The following XRN1 variants were observed in gnomAD, a reference collection of about 807,000 sequenced individuals.
XRN1 encodes 5'-3' exoribonuclease 1, also known as strand-exchange protein 1 homolog.
A neutral mutation model predicts 222.3 loss-of-function variants in XRN1; 67 were observed. The ratio of observed to expected loss-of-function variants is 0.30; its 90% CI spans 0.25 to 0.37. XRN1 has a LOEUF of 0.37. XRN1 is among the 10% of genes least tolerant of loss of function. The pLI, the probability that XRN1 is intolerant of heterozygous loss-of-function variation, is 1.00. For synonymous variants in XRN1, 643 were observed against 652.4 expected (o/e 0.99, Z 0.22); for missense variants, 1,707 against 2,000.2 (o/e 0.85, Z 2.80).
At chr3:142,355,234 A>G (rs974551449) in intron 32 of XRN1, 167 bp downstream of exon 32, 1 of 394,408 alleles carries the variant, frequency 2.5e-6, no homozygotes, top group Non-Finnish European at 4.4e-6. Context: ...AACCTAAAAC[A>G]AATAAAGTTG....
intron 2 of XRN1, among the ~76,000 whole-genome samples, chr3:142,430,370 C>T (rs4441672): frequency 0.63 from 95,411 of 151,986 alleles, 31,481 homozygotes; most frequent in African/African-American, 0.85. Context: ...AACACTAGAT[C>T]TTCTAGGCTA....
intron 27 of XRN1, among the ~76,000 whole-genome samples, chr3:142,368,457 C>CAT (rs1208525887): frequency 2.0e-5 from 3 of 152,152 alleles, no homozygotes; most frequent in African/African-American, 7.2e-5. Context: ...CCTATATGCA[C>CAT]ATATATATTT....
At position 142,376,555 on chromosome 3, in the gene XRN1, T is replaced by G; in HGVS notation, c.2755A>C (p.Ser919Arg). The G allele has an allele frequency of 6.2e-7, 1 of 1,613,366 alleles. No homozygotes were observed. Among genetic ancestry groups the G allele is most frequent in the East Asian group, 2.2e-5 (1 of 44,778 alleles). Residue 919 changes from serine (S) to arginine (R), a missense_variant, in exon 24 of 41, where the codon AGT becomes CGT. Coordinates refer to ENST00000392981, the MANE Select transcript of XRN1 (RefSeq NM_001282857.2). ...AGGTATCCACTCACTCCAAGGCGAC[T>G]GGCCAACACATATCCTGGGTTGTAC... ...IKYNPGYVLA[S>R]RLGVSGYLVS...
chr3:142,387,029 A>G (rs2107958717), intron 20 of XRN1, among the ~76,000 whole-genome samples: 1 of 152,348 alleles, frequency 6.6e-6, no homozygotes, highest in Middle Eastern at 3.4e-3. Flanking sequence ...AGGAATGCAT[A>G]TATACACGTT....
At chr3:142,441,972 T>C (rs1187295438) in intron 1 of XRN1, among the ~76,000 whole-genome samples, 1 of 152,108 alleles carries the variant, frequency 6.6e-6, no homozygotes, top group African/African-American at 2.4e-5. Flanking sequence ...AAGTCCTTCA[T>C]AGAAAAAGGA....
chr3:142,424,749 G>A (rs1001023558), intron 5 of XRN1, among the ~76,000 whole-genome samples: 8 of 152,110 alleles, frequency 5.3e-5, no homozygotes, highest in Admixed American at 1.3e-4. Context: ...GGAGACAGAT[G>A]ATTAGGGGTA....
chr3:142,347,143 C>T, intron 33 of XRN1, 91 bp downstream of exon 33: 3 of 944,222 alleles, frequency 3.2e-6, no homozygotes, highest in Non-Finnish European at 4.8e-6. Context: ...AATGAATTTA[C>T]TTTATGGTAT....
At chr3:142,434,525 T>C (rs2069784928) in intron 1 of XRN1, among the ~76,000 whole-genome samples, 1 of 151,590 alleles carries the variant, frequency 6.6e-6, no homozygotes, top group African/African-American at 2.4e-5. Context: ...TTTTTTTTTT[T>C]TTTTACATTT....
intron 32 of XRN1, among the ~76,000 whole-genome samples, chr3:142,351,509 G>T (rs2066305502): frequency 6.6e-6 from 1 of 152,022 alleles, no homozygotes; most frequent in Non-Finnish European, 1.5e-5. Flanking sequence ...GATTAGGGTG[G>T]GTTTAAGAGA....
At chr3:142,353,241 A>T (rs771405539) in intron 32 of XRN1, among the ~76,000 whole-genome samples, 8 of 152,230 alleles carry the variant, frequency 5.3e-5, no homozygotes, top group Admixed American at 2.6e-4. Flanking sequence ...AAAACCCTAA[A>T]GCTGATTTAA....
At chr3:142,409,650 C>A (rs2068487190) in intron 15 of XRN1, among the ~76,000 whole-genome samples, 1 of 152,122 alleles carries the variant, frequency 6.6e-6, no homozygotes, top group Non-Finnish European at 1.5e-5. Flanking sequence ...TTCTCCTTTG[C>A]AATCTTATAA....
At position 142,311,576 on chromosome 3, in the gene XRN1, A is replaced by G; in HGVS notation, c.5020T>C (p.Ser1674Pro). 6.2e-7 allele frequency: 1 copy of G among 1,613,128 alleles called. No homozygotes were observed. The highest frequency in any genetic ancestry group is 8.5e-7 in the Non-Finnish European group (1 of 1,179,382). ...TTTCTTGATTTTCTTCTTGAAGAAGAGATTGGTGTTGACTTATGGTGAGAT... is the reference window on the plus strand; with the variant it reads ...TTTCTTGATTTTCTTCTTGAAGAAGGGATTGGTGTTGACTTATGGTGAGAT... Reference protein sequence around the residue: ...SISHHKSTPISSSRRKSRKLA... With the variant: ...SISHHKSTPIPSSRRKSRKLA... The change falls in exon 41 of 41, where the codon TCT (serine) becomes CCT (proline). Residue 1674 changes from serine (S) to proline (P), a missense_variant. Physicochemically the swap from Ser to Pro is moderately conservative, Grantham distance 74. Around this residue, in one of 2 missense-constraint regions of XRN1, gnomAD observed 473 missense variants for 482.0 expected, o/e 0.98. Coordinates refer to ENST00000392981, the MANE Select transcript of XRN1 (RefSeq NM_001282857.2).
chr3:142,441,535 A>C (rs1195488398), intron 1 of XRN1, among the ~76,000 whole-genome samples: 1 of 152,252 alleles, frequency 6.6e-6, no homozygotes, highest in African/African-American at 2.4e-5. Context: ...ATGTAGTGGC[A>C]AAGGGTTGGC....
Position 142,359,847 on chromosome 3 carries a change from T to C in XRN1, c.3464+15A>G, listed in dbSNP as rs79857784. 437 of 1,561,038 alleles carry C rather than the reference T, an allele frequency of 2.8e-4. 5 individuals carry two copies. The East Asian group carries it at 9.7e-3, about 35-fold the overall frequency. On this transcript the variant is annotated intron_variant, in intron 30 of 40. Coordinates refer to ENST00000392981, the MANE Select transcript of XRN1 (RefSeq NM_001282857.2). ...ACATATTCACAAAGGGCAATTATCA[T>C]TGGGAAATACAAACCTTATTGTTAA...
chr3:142,395,922 GTCAGCAT>G (rs1326284520), intron 20 of XRN1, among the ~76,000 whole-genome samples: 2 of 151,954 alleles, frequency 1.3e-5, no homozygotes, highest in African/African-American at 4.8e-5. Flanking sequence ...CTAACTCCCA[GTCAGCAT>G]TCAGATATCG....
intron 18 of XRN1, among the ~76,000 whole-genome samples, chr3:142,403,114 T>G (rs367847777): frequency 1.3e-5 from 2 of 152,224 alleles, no homozygotes; most frequent in Non-Finnish European, 2.9e-5. Flanking sequence ...TACTCAAGGT[T>G]CGACATAATC....
intron 29 of XRN1, among the ~76,000 whole-genome samples, chr3:142,360,551 T>C (rs1418592491): frequency 6.6e-6 from 1 of 151,646 alleles, no homozygotes; most frequent in Non-Finnish European, 1.5e-5. Context: ...TTAGGGCATG[T>C]ACTTTTTTAA....
At position 142,310,954 on chromosome 3, in the gene XRN1, G is replaced by C. The variant is rs1470284723; in HGVS notation, c.*557C>G. 6.6e-6 allele frequency: 1 copy of C among 152,520 alleles called. No individual in the cohort carries two copies. The highest frequency in any genetic ancestry group is 1.5e-5 in the Non-Finnish European group (1 of 68,048). 9.4% of individuals were successfully genotyped at this position (152,520 alleles called of 1,614,324 possible). A position where few individuals can be genotyped will look rare whatever the true frequency, so the allele number is the denominator to read the frequency against. On this transcript the variant is annotated 3_prime_UTR_variant, in exon 41 of 41. Transcript: ENST00000392981. ...CAACAAATGTGATCCTTTCACAGCA[G>C]GTCTAAAGACCCTCAGAGGCAACAA...
At chr3:142,376,187 A>C in intron 24 of XRN1, 1 of 704,650 alleles carries the variant, frequency 1.4e-6, no homozygotes, top group South Asian at 2.5e-5. Flanking sequence ...GTAATTATAG[A>C]GGAAAATGAA....
Sources: gnomAD v4.1 joint callset for allele counts (sites outside exome capture counted in the v4.1 genomes callset) on GRCh38, gnomAD v4.1.1 for gene constraint, gnomAD v4.1.1 regional missense constraint, MANE v1.5 for transcripts, NCBI Gene and HGNC (gene_info 2026-07-23, HGNC 2026-07-21) for gene names.